CEP83: variants seen among roughly 807,000 people sequenced by gnomAD.
The protein encoded by CEP83 is centrosomal protein of 83 kDa.
A neutral mutation model predicts 101.9 loss-of-function variants in CEP83; 70 were observed. The ratio of observed to expected loss-of-function variants is 0.69; its 90% CI spans 0.57 to 0.84. CEP83 has a LOEUF of 0.84. Ranked by LOEUF, CEP83 falls within the 40% of genes least tolerant of loss-of-function variation. CEP83 has a pLI of 0.00. For missense variants in CEP83, 715 were observed against 787.2 expected, an observed-to-expected ratio of 0.91 and a Z score of 1.10; for synonymous variants, 264 against 267.9, an observed-to-expected ratio of 0.99 and a Z score of 0.14.
intron 6 of CEP83, among the ~76,000 whole-genome samples, chr12:94,381,749 C>T (rs1272135908): frequency 6.6e-6 from 1 of 151,994 alleles, no homozygotes; most frequent in Non-Finnish European, 1.5e-5. Context: ...ATAAGTCTGT[C>T]GTCATTATCT....
intron 1 of CEP83, among the ~76,000 whole-genome samples, chr12:94,437,112 G>A (rs1270458910): frequency 3.3e-5 from 5 of 151,946 alleles, no homozygotes; most frequent in Non-Finnish European, 4.4e-5. Flanking sequence ...GGGAGGCCAA[G>A]GCAGGAGGAT....
At chr12:94,369,749 T>C (rs1172242079) in intron 9 of CEP83, 173 bp downstream of exon 9, 1 of 456,858 alleles carries the variant, frequency 2.2e-6, no homozygotes, top group Non-Finnish European at 3.8e-6. Flanking sequence ...TTATTAAATC[T>C]TACAATGAAC....
the CEP83 span, chr12:94,282,081 T>C: frequency 1.0e-4 from 49 of 485,396 alleles, no homozygotes; most frequent in African/African-American, 8.4e-4. Flanking sequence ...ACTTCCAGGC[T>C]TATCAGGGAA....
chr12:94,331,910 C>G (rs2059242103), intron 13 of CEP83, 81 bp from the exon 14 acceptor site: 3 of 1,288,510 alleles, frequency 2.3e-6, no homozygotes, highest in Non-Finnish European at 3.3e-6. Context: ...TATAAGCAAA[C>G]TCACTACCTG....
the CEP83 span, among the ~76,000 whole-genome samples, chr12:94,274,123 C>G: frequency 1.1e-4 from 13 of 121,256 alleles, no homozygotes; most frequent in African/African-American, 4.2e-4. Flanking sequence ...GAGTTCAAGA[C>G]TAGCCTGGGC....
chr12:94,387,857 T>C (rs1375307770), intron 6 of CEP83, among the ~76,000 whole-genome samples: 2 of 149,884 alleles, frequency 1.3e-5, no homozygotes, highest in Non-Finnish European at 3.0e-5. Context: ...ATCAGAGAAA[T>C]GCAAATTAAA....
chr12:94,442,909 C>T (rs963649886), intron 1 of CEP83, among the ~76,000 whole-genome samples: 18 of 152,188 alleles, frequency 1.2e-4, no homozygotes. Flanking sequence ...ATTTCTAGAG[C>T]CATCACACTC....
chr12:94,356,981 A>G (rs1348815538), intron 11 of CEP83, among the ~76,000 whole-genome samples: 2 of 152,146 alleles, frequency 1.3e-5, no homozygotes, highest in Non-Finnish European at 2.9e-5. Context: ...AGCTTGGGGA[A>G]AAAAAATCAC....
intron 8 of CEP83, among the ~76,000 whole-genome samples, chr12:94,373,258 T>C (rs529012375): frequency 2.0e-5 from 3 of 152,326 alleles, no homozygotes; most frequent in African/African-American, 7.2e-5. Context: ...CTGGCCTTTA[T>C]GTTGTGAATT....
At chr12:94,341,980 T>A (rs981556987) in intron 11 of CEP83, among the ~76,000 whole-genome samples, 1 of 152,190 alleles carries the variant, frequency 6.6e-6, no homozygotes, top group Non-Finnish European at 1.5e-5. Flanking sequence ...CTACCCCTAC[T>A]TTCTGGAGAC....
intron 14 of CEP83, among the ~76,000 whole-genome samples, chr12:94,315,179 T>C (rs1285694627): frequency 6.6e-6 from 1 of 152,218 alleles, no homozygotes; most frequent in Non-Finnish European, 1.5e-5. Context: ...TAAAGCAGTT[T>C]TACCAATTAC....
intron 1 of CEP83, among the ~76,000 whole-genome samples, chr12:94,437,789 A>G (rs1451918990): frequency 6.6e-6 from 1 of 152,216 alleles, no homozygotes; most frequent in Non-Finnish European, 1.5e-5. Context: ...TAAAGCATAA[A>G]TCTCACAAGA....
intron 11 of CEP83, among the ~76,000 whole-genome samples, chr12:94,362,526 G>T (rs2136948198): frequency 6.6e-6 from 1 of 152,206 alleles, no homozygotes; most frequent in Admixed American, 6.5e-5. Context: ...TAATCCAGCT[G>T]CTCAGGAGGC....
Position 94,345,973 on chromosome 12 carries a change from G to C in CEP83, c.1344-10309C>G, listed in dbSNP as rs577828631. On this transcript the variant is annotated intron_variant, in intron 11 of 16. Transcript: ENST00000397809. ...TAAACAAGAACTCACCCATGTGCTA[G>C]GAGAATGGCACACTCCAACTTCACA... 2.0e-5 allele frequency among the ~76,000 whole-genome samples: 3 copies of C among 152,304 alleles called. No individual in the cohort carries two copies. In the East Asian group the frequency reaches 5.8e-4, roughly 29 times the overall value.
the CEP83 span, chr12:94,297,550 T>G: frequency 1.5e-6 from 1 of 664,100 alleles, no homozygotes; most frequent in Admixed American, 2.6e-5. Flanking sequence ...AAAATGAAAG[T>G]TTAAATTGTA....
chr12:94,298,396 A>G, the CEP83 span, among the ~76,000 whole-genome samples: 5 of 152,220 alleles, frequency 3.3e-5, no homozygotes, highest in Non-Finnish European at 7.3e-5. Context: ...TGACTAAACA[A>G]TGTTATCAGC....
intron 11 of CEP83, among the ~76,000 whole-genome samples, chr12:94,347,510 A>G (rs1015863686): frequency 6.6e-6 from 1 of 152,228 alleles, no homozygotes; most frequent in African/African-American, 2.4e-5. Context: ...TGTATGTTAT[A>G]AAATTAAATA....
chr12:94,365,718 C>T (rs1442930842), intron 11 of CEP83, among the ~76,000 whole-genome samples: 5 of 145,918 alleles, frequency 3.4e-5, no homozygotes, highest in Non-Finnish European at 1.5e-5. Context: ...TGCAGTGAGC[C>T]AAGATCGCCC....
chr12:94,266,304 G>A, the CEP83 span, among the ~76,000 whole-genome samples: 27 of 152,328 alleles, frequency 1.8e-4, no homozygotes, highest in African/African-American at 6.5e-4. Context: ...CTCCATCAAA[G>A]ATGGCACCAT....
Sources: allele counts gnomAD v4.1 joint callset (sites outside exome capture counted in the v4.1 genomes callset), GRCh38; gene constraint gnomAD v4.1.1; transcripts MANE v1.5; gene names NCBI Gene and HGNC (gene_info 2026-07-23, HGNC 2026-07-21).